DNAH8: variants seen among roughly 807,000 people sequenced by gnomAD.
DNAH8 encodes axonemal beta dynein heavy chain 8.
In DNAH8, 382 loss-of-function variants were observed where a neutral mutation model predicts 562.1. The ratio of observed to expected loss-of-function variants is 0.68; its 90% CI spans 0.63 to 0.74. DNAH8 has a LOEUF of 0.74. DNAH8 is among the 30% of genes least tolerant of loss of function. The pLI, the probability that DNAH8 is intolerant of heterozygous loss-of-function variation, is 0.00. For missense variants in DNAH8, 5,203 were observed against 5,620.4 expected (o/e 0.93, Z 2.37); for synonymous variants, 1,881 against 1,919.4 (o/e 0.98, Z 0.52).
At position 38,883,025 on chromosome 6, in the gene DNAH8, G is replaced by A; in HGVS notation, c.7974G>A (p.Leu2658=). The A allele has an allele frequency of 1.3e-6, 2 of 1,599,472 alleles. No homozygotes were observed. Among genetic ancestry groups the A allele is most frequent in the East Asian group, 2.3e-5 (1 of 44,328 alleles). Residue 2658 remains leucine (L), a synonymous_variant, in exon 54 of 93, where the codon TTG becomes TTA. Coordinates refer to ENST00000327475, the MANE Select transcript of DNAH8 (RefSeq NM_001206927.2). ...TTGACAATATTAGAACAAATTTTTT[G>A]ATAGACACCATTGCAAAACAACATA... The part of the protein sequence containing the change: ...PNVDNIRTNF[L]IDTIAKQHKA...
rs142630463 is a variant in DNAH8 at position 38,847,933 on chromosome 6, G to A, written c.5046-715G>A. On this transcript the variant is annotated intron_variant, in intron 36 of 92. Transcript: ENST00000327475. ...AAGCCCTGATGATCAGAAAACAGGA[G>A]CCCTGCTATATGGGGGTAGCAACCC... Among the ~76,000 whole-genome samples the A allele has an allele frequency of 3.1e-4, 47 of 152,236 alleles. No homozygotes were observed. In the East Asian group the frequency reaches 8.7e-3, roughly 28 times the overall value.
intron 87 of DNAH8, among the ~76,000 whole-genome samples, chr6:38,984,951 C>T (rs928566389): frequency 3.3e-5 from 5 of 152,216 alleles, no homozygotes; most frequent in African/African-American, 1.2e-4. Context: ...TTCCGCATTC[C>T]TGTGCACCTC....
intron 77 of DNAH8, among the ~76,000 whole-genome samples, chr6:38,937,535 T>G (rs1783071028): frequency 6.6e-6 from 1 of 152,106 alleles, no homozygotes; most frequent in African/African-American, 2.4e-5. Context: ...AGCATGACAG[T>G]CAGCCCATGT....
intron 88 of DNAH8, among the ~76,000 whole-genome samples, chr6:38,997,663 G>T (rs1765226884): frequency 6.6e-6 from 1 of 152,190 alleles, no homozygotes; most frequent in East Asian, 1.9e-4. Context: ...AGATATGCTG[G>T]CTAAGTCTGT....
At chr6:38,830,124 G>A (rs1448723628) in intron 30 of DNAH8, among the ~76,000 whole-genome samples, 1 of 151,944 alleles carries the variant, frequency 6.6e-6, no homozygotes, top group Non-Finnish European at 1.5e-5. Context: ...TTTCTCTATT[G>A]TTTTTCTATT....
At chr6:38,824,628 A>G (rs1356663256) in intron 28 of DNAH8, among the ~76,000 whole-genome samples, 2 of 152,158 alleles carry the variant, frequency 1.3e-5, no homozygotes, top group Non-Finnish European at 2.9e-5. Context: ...CAGGTCTGTT[A>G]TCAAGAAGTT....
In DNAH8 at chr6:39,020,449, C is replaced by T. The variant is rs541434838; in HGVS notation, c.13715-6097C>T. Among the ~76,000 whole-genome samples the T allele has an allele frequency of 1.2e-4, 18 of 152,276 alleles. 1 individual carries two copies. In the South Asian group the frequency reaches 2.9e-3, roughly 25 times the overall value. ...TTTTAACACATACTACTGCCTGGGG[C>T]CCCAGAACAAGTATATCAGAATCTC... On this transcript the variant is annotated intron_variant, in intron 91 of 92. Coordinates refer to ENST00000327475, the MANE Select transcript of DNAH8 (RefSeq NM_001206927.2).
At chr6:39,009,225 A>C (rs1286515344) in intron 89 of DNAH8, among the ~76,000 whole-genome samples, 1 of 152,076 alleles carries the variant, frequency 6.6e-6, no homozygotes, top group Non-Finnish European at 1.5e-5. Flanking sequence ...ATTCCTTCAC[A>C]AGTTAATTCC....
chr6:38,951,396 A>C lies in DNAH8; in HGVS notation c.12327A>C (p.Pro4109=), dbSNP rs375055555. The change falls in exon 82 of 93, where the codon CCA becomes CCC. Residue 4109 remains proline, a synonymous_variant. Transcript: ENST00000327475. ...CTTTGGAGGAGAAGTACACAGAACC[A>C]GTTATCTTAAATCTGGAGAAAACTT... The part of the protein sequence containing the change: ...ADSLEEKYTE[P]VILNLEKTWE... 15 of 1,614,084 alleles carry C rather than the reference A, an allele frequency of 9.3e-6. No individual in the cohort carries two copies. The highest frequency in any genetic ancestry group is 1.3e-5 in the Non-Finnish European group (15 of 1,180,040).
intron 26 of DNAH8, among the ~76,000 whole-genome samples, chr6:38,816,451 T>C (rs372829107): frequency 3.3e-4 from 51 of 152,326 alleles, no homozygotes; most frequent in African/African-American, 1.0e-3. Context: ...TATTCCATGG[T>C]GTATATGTAC....
intron 79 of DNAH8, among the ~76,000 whole-genome samples, chr6:38,939,284 T>C (rs576431903): frequency 2.0e-5 from 3 of 152,360 alleles, no homozygotes; most frequent in Admixed American, 6.5e-5. Flanking sequence ...GTGATGGCTT[T>C]CTTTAGCAGG....
At chr6:38,940,760 A>T (rs1053102704) in intron 79 of DNAH8, among the ~76,000 whole-genome samples, 4 of 152,210 alleles carry the variant, frequency 2.6e-5, no homozygotes, top group African/African-American at 9.7e-5. Context: ...AGGCGGGGAA[A>T]CAGTTTGTGA....
At chr6:38,890,615 T>C (rs1247452512) in intron 57 of DNAH8, 37 bp from the exon 58 acceptor site, 2 of 1,409,182 alleles carry the variant, frequency 1.4e-6, no homozygotes, top group South Asian at 1.2e-5. Flanking sequence ...GGAAATCTTT[T>C]GGTAAGCTTA....
rs758840030 is a variant in DNAH8, at chr6:38,741,730, A to C, written c.1136A>C (p.Gln379Pro). Residue 379 changes from glutamine (Q) to proline (P), a missense_variant, in exon 8 of 93, where the codon CAG (glutamine) becomes CCG (proline). Transcript: ENST00000327475. ...CTGCAGGTACTTATTGAGAGTGAGC[A>C]GATGAGAAAAGAAGCTGGTGATTCA... ...QIEQVLIESE[Q>P]MRKEAGDSGP... The C allele has an allele frequency of 3.7e-6, 6 of 1,613,104 alleles. No individual in the cohort carries two copies. The South Asian group carries it at 6.6e-5, about 18-fold the overall frequency.
At chr6:38,831,822 CAGAT>C (rs1773858643) in intron 30 of DNAH8, among the ~76,000 whole-genome samples, 1 of 152,122 alleles carries the variant, frequency 6.6e-6, no homozygotes, top group East Asian at 1.9e-4. Context: ...AAGAGCATGG[CAGAT>C]AGCAAGCATT....
At chr6:38,797,637 C>T (rs574627162) in intron 21 of DNAH8, among the ~76,000 whole-genome samples, 9 of 152,058 alleles carry the variant, frequency 5.9e-5, no homozygotes, top group East Asian at 3.9e-4. Flanking sequence ...TCCTTTACTA[C>T]GCCGCTGCAA....
intron 80 of DNAH8, among the ~76,000 whole-genome samples, chr6:38,948,703 T>C (rs1020943641): frequency 6.6e-6 from 1 of 152,178 alleles, no homozygotes; most frequent in Non-Finnish European, 1.5e-5. Flanking sequence ...AGAGCAGGGA[T>C]AGGCTCAATA....
intron 77 of DNAH8, among the ~76,000 whole-genome samples, chr6:38,937,707 A>C (rs1350892330): frequency 6.6e-6 from 1 of 152,152 alleles, no homozygotes; most frequent in East Asian, 1.9e-4. Flanking sequence ...GTGAAGACCC[A>C]ATCAAATGGG....
chr6:38,938,713 A>G (rs1783182282), intron 78 of DNAH8, 85 bp from the exon 79 acceptor site: 2 of 911,106 alleles, frequency 2.2e-6, no homozygotes, highest in Admixed American at 2.5e-5. Flanking sequence ...CCGACGTACA[A>G]ACCTTCATGT....
Sources: gnomAD v4.1 joint callset for allele counts (sites outside exome capture counted in the v4.1 genomes callset) on GRCh38, gnomAD v4.1.1 for gene constraint, MANE v1.5 for transcripts, NCBI Gene and HGNC (gene_info 2026-07-23, HGNC 2026-07-21) for gene names.